Variants in BNC1 observed in about 807,000 individuals in gnomAD.
BNC1 encodes the protein basonuclin zinc finger protein 1.
Under a neutral mutation model 66.5 loss-of-function variants are expected in BNC1, and 8 were observed. The ratio of observed to expected loss-of-function variants is 0.12; its 90% confidence interval spans 0.07 to 0.22. The LOEUF is 0.22. Ranked by LOEUF, BNC1 falls within the 10% of genes least tolerant of loss-of-function variation. The probability of loss-of-function intolerance (pLI) is 1.00; values close to 1 mark genes in which losing one functional copy is unlikely to be tolerated. For missense variants in BNC1, 1,069 were observed against 1,241.3 expected, an observed-to-expected ratio of 0.86 and a Z score of 2.09; for synonymous variants, 454 against 452.6, an observed-to-expected ratio of 1.00 and a Z score of -0.04.
intron 4 of BNC1, 42 bp from the exon 5 acceptor site, chr15:83,258,168 T>C: frequency 6.5e-7 from 1 of 1,534,428 alleles, no homozygotes; most frequent in Non-Finnish European, 8.8e-7. Flanking sequence ...TTGGGCTGTT[T>C]TAGAAACAGT....
At chr15:83,273,933 C>T (rs1039285327) in intron 1 of BNC1, among the ~76,000 whole-genome samples, 2 of 152,118 alleles carry the variant, frequency 1.3e-5, no homozygotes, top group Non-Finnish European at 2.9e-5. Context: ...TAGTTCAAGG[C>T]TGTTTTCATC....
At chr15:83,262,515 C>A (rs1457929965) in intron 4 of BNC1, among the ~76,000 whole-genome samples, 6 of 151,666 alleles carry the variant, frequency 4.0e-5, no homozygotes, top group African/African-American at 1.5e-4. Context: ...TAAATCCACA[C>A]AAAAGGAGAT....
chr15:83,270,194 A>G (rs957863324), intron 1 of BNC1, among the ~76,000 whole-genome samples: 3 of 152,356 alleles, frequency 2.0e-5, no homozygotes, highest in Admixed American at 1.3e-4. Flanking sequence ...CACATACCAT[A>G]TAACTCACCC....
Position 83,266,907 on chromosome 15 carries a change from C to A in BNC1, c.364G>T (p.Asp122Tyr). The A allele has an allele frequency of 6.2e-7, 1 of 1,614,210 alleles. No individual in the cohort carries two copies. Among genetic ancestry groups the A allele is most frequent in the South Asian group, 1.1e-5 (1 of 91,074 alleles). Reference sequence around the variant, plus strand: ...GCATGGAGGATCTGGAGAACCTCATCTTGCTTCAACACACTGAAGAGCCGG... The same window carrying A: ...GCATGGAGGATCTGGAGAACCTCATATTGCTTCAACACACTGAAGAGCCGG... ...LDRLFSVLKQDEVLQILHALD... is the reference protein window; with the variant it reads ...LDRLFSVLKQYEVLQILHALD... The change falls in exon 3 of 5, where the codon GAT becomes TAT. Residue 122 changes from aspartate (D) to tyrosine (Y), a missense_variant. Physicochemically the swap from Asp to Tyr is radical, Grantham distance 160. Transcript: ENST00000345382.
intron 4 of BNC1, among the ~76,000 whole-genome samples, chr15:83,261,152 C>CT (rs2038136101): frequency 6.6e-6 from 1 of 152,138 alleles, no homozygotes. Flanking sequence ...ACCAACATGA[C>CT]TGTCTCTGTA....
Position 83,256,328 on chromosome 15 carries a change from A to G in BNC1, c.*1114T>C, listed in dbSNP as rs1225119623. Reference sequence around the variant, plus strand: ...ACTTCCTTTCTACCATGGAAAATGTATGTAACAGTGTGGAATATATTTCCG... The same window carrying G: ...ACTTCCTTTCTACCATGGAAAATGTGTGTAACAGTGTGGAATATATTTCCG... On this transcript the variant is annotated 3_prime_UTR_variant, in exon 5 of 5. Coordinates refer to ENST00000345382, the MANE Select transcript of BNC1 (RefSeq NM_001717.4). 1 of 152,690 alleles carries G rather than the reference A, an allele frequency of 6.5e-6. No homozygotes were observed. The highest frequency in any genetic ancestry group is 1.5e-5 in the Non-Finnish European group (1 of 68,056). 9.5% of individuals were successfully genotyped at this position (152,690 alleles called of 1,614,324 possible).
chr15:83,267,819 A>G (rs1249213915), intron 2 of BNC1, among the ~76,000 whole-genome samples: 1 of 152,264 alleles, frequency 6.6e-6, no homozygotes, highest in Non-Finnish European at 1.5e-5. Context: ...AATTTAACTA[A>G]GCGTTCTGTA....
chr15:83,278,146 G>C (rs1264768512), intron 1 of BNC1, among the ~76,000 whole-genome samples: 1 of 152,220 alleles, frequency 6.6e-6, no homozygotes, highest in Non-Finnish European at 1.5e-5. Context: ...CTGCAGGTGA[G>C]AGTGTCGGAC....
intron 1 of BNC1, among the ~76,000 whole-genome samples, chr15:83,279,345 G>C (rs565238479): frequency 7.9e-5 from 12 of 152,180 alleles, no homozygotes; most frequent in African/African-American, 2.6e-4. Context: ...TTGATTGTTT[G>C]AAATCTTCTA....
chr15:83,263,148 T>C lies in BNC1; in HGVS notation c.2103A>G (p.Lys701=). The part of the protein sequence containing the change: ...GMAFPCLEDS[K]ELEHVGQHAL... ...CATGCTGACCCACGTGCTCCAGTTCTTTAGAATCTTCAAGACAAGGAAAAG... is the reference window on the plus strand; with the variant it reads ...CATGCTGACCCACGTGCTCCAGTTCCTTAGAATCTTCAAGACAAGGAAAAG... The change falls in exon 4 of 5, where the codon AAA becomes AAG. Residue 701 remains lysine, a synonymous_variant. Transcript: ENST00000345382. 1 of 1,614,232 alleles carries C rather than the reference T, an allele frequency of 6.2e-7. No homozygotes were observed. The highest frequency in any genetic ancestry group is 8.5e-7 in the Non-Finnish European group (1 of 1,180,040).
At chr15:83,265,256 C>T (rs535231276) in intron 3 of BNC1, among the ~76,000 whole-genome samples, 4 of 152,304 alleles carry the variant, frequency 2.6e-5, no homozygotes, top group Admixed American at 6.5e-5. Flanking sequence ...TCATTTGCTG[C>T]AAGTTTAATA....
intron 1 of BNC1, among the ~76,000 whole-genome samples, chr15:83,275,062 C>T (rs2038305981): frequency 6.6e-6 from 1 of 152,158 alleles, no homozygotes; most frequent in South Asian, 2.1e-4. Context: ...ATTTATGAGC[C>T]AGGCATTGTT....
intron 1 of BNC1, among the ~76,000 whole-genome samples, chr15:83,281,106 T>A (rs1030573175): frequency 6.6e-6 from 1 of 152,224 alleles, no homozygotes; most frequent in Non-Finnish European, 1.5e-5. Flanking sequence ...ACAAGTCTGT[T>A]CTCTGTTTAT....
chr15:83,266,281 T>C (rs1395552359), intron 3 of BNC1, among the ~76,000 whole-genome samples: 7 of 147,540 alleles, frequency 4.7e-5, no homozygotes, highest in Non-Finnish European at 1.1e-4. Context: ...GAGGGAGACA[T>C]ACACACACAC....
Position 83,263,205 on chromosome 15 carries a change from T to TC in BNC1, c.2045dup (p.Leu683ThrfsTer16), listed in dbSNP as rs1567191613. The TC allele has an allele frequency of 6.2e-7, 1 of 1,614,046 alleles. No individual in the cohort carries two copies. Among genetic ancestry groups the TC allele is most frequent in the Admixed American group, 1.7e-5 (1 of 60,014 alleles). On this transcript the variant is annotated frameshift_variant, in exon 4 of 5. Transcript: ENST00000345382. LOFTEE classifies it high-confidence loss of function. Reference sequence around the variant, plus strand: ...CCCTGTTGGACAAAGCACTGAAGAGTCCCCCAGCCAGCAGGCGCTGCTGCA... The same window carrying TC: ...CCCTGTTGGACAAAGCACTGAAGAGTCCCCCCAGCCAGCAGGCGCTGCTGCA...
chr15:83,271,307 T>G (rs2038267300), intron 1 of BNC1, among the ~76,000 whole-genome samples: 1 of 152,202 alleles, frequency 6.6e-6, no homozygotes, highest in Non-Finnish European at 1.5e-5. Flanking sequence ...TTTCATGATT[T>G]GACTGTCTTC....
chr15:83,283,093 T>G lies in BNC1; in HGVS notation c.99+1437A>C, dbSNP rs183243745. On this transcript the variant is annotated intron_variant, in intron 1 of 4. Transcript: ENST00000345382. Reference sequence around the variant, plus strand: ...CCCCGCCCCCCAACCACACACAACTTCACTCACACAATTAAGGCTGGGAGA... The same window carrying G: ...CCCCGCCCCCCAACCACACACAACTGCACTCACACAATTAAGGCTGGGAGA... 9.5e-5 allele frequency: 135 copies of G among 1,418,366 alleles called. No individual in the cohort carries two copies. In the African/African-American group the frequency reaches 1.9e-3, roughly 20 times the overall value. The allele number at this position is 1,418,366 out of a possible 1,614,324, so 87.9% of individuals were successfully genotyped here. A position where few individuals can be genotyped will look rare whatever the true frequency, so the allele number is the denominator to read the frequency against.
rs2038108206 is a variant in BNC1 at position 83,258,500 on chromosome 15, T to C, written c.2301-374A>G. Among the ~76,000 whole-genome samples the C allele has an allele frequency of 2.0e-5, 3 of 152,340 alleles. No individual in the cohort carries two copies. The South Asian group carries it at 6.2e-4, about 32-fold the overall frequency. On this transcript the variant is annotated intron_variant, in intron 4 of 4. Transcript: ENST00000345382. ...CCAGGAAGCTTTCCTTAACTTCTCA[T>C]GGTGCCCTCCCATGTGCCCACAGCA...
chr15:83,267,216 G>A (rs2038227031), intron 2 of BNC1, 145 bp from the exon 3 acceptor site: 2 of 635,694 alleles, frequency 3.1e-6, no homozygotes, highest in East Asian at 5.5e-5. Flanking sequence ...TACCTTAATA[G>A]CTATGAAACT....
Sources: gnomAD v4.1 joint callset for allele counts (sites outside exome capture counted in the v4.1 genomes callset) on GRCh38, gnomAD v4.1.1 for gene constraint, MANE v1.5 for transcripts, NCBI Gene and HGNC (gene_info 2026-07-23, HGNC 2026-07-21) for gene names.